ATP10B: variants seen among roughly 807,000 people sequenced by gnomAD.
ATP10B encodes the protein phospholipid-transporting ATPase VB.
In ATP10B, 122 loss-of-function variants were observed where a neutral mutation model predicts 141.2. That is an observed-to-expected ratio of 0.86 (90% CI 0.75 to 1.00). The LOEUF is 1.00. Among genes scored for constraint, ATP10B ranks in the 50% least tolerant of loss-of-function variants. The pLI is 0.00. For synonymous variants in ATP10B, 685 were observed against 692.0 expected, an observed-to-expected ratio of 0.99 and a Z score of 0.16; for missense variants, 1,876 against 1,825.3, an observed-to-expected ratio of 1.03 and a Z score of -0.51.
the ATP10B span, among the ~76,000 whole-genome samples, chr5:160,908,666 A>AAG: frequency 6.6e-6 from 1 of 152,200 alleles, no homozygotes; most frequent in Non-Finnish European, 1.5e-5. Context: ...GGTGATCTGA[A>AAG]AGGCATGGAG....
At chr5:160,862,043 T>A in the ATP10B span, among the ~76,000 whole-genome samples, 1 of 151,964 alleles carries the variant, frequency 6.6e-6, no homozygotes, top group Non-Finnish European at 1.5e-5. Flanking sequence ...TTGAAGTACA[T>A]GAAGAAATAT....
intron 1 of ATP10B, among the ~76,000 whole-genome samples, chr5:160,820,900 T>C (rs1375923264): frequency 6.6e-6 from 1 of 152,044 alleles, no homozygotes; most frequent in Admixed American, 6.6e-5. Context: ...CTCAACATAA[T>C]AAAAGCCATG....
chr5:160,781,820 G>A (rs976001560), intron 2 of ATP10B, among the ~76,000 whole-genome samples: 4 of 152,028 alleles, frequency 2.6e-5, no homozygotes, highest in Non-Finnish European at 5.9e-5. Flanking sequence ...TCAAATGCTG[G>A]CCATAAAAAT....
At chr5:160,575,283 C>T (rs141054669) in intron 24 of ATP10B, among the ~76,000 whole-genome samples, 1 of 152,132 alleles carries the variant, frequency 6.6e-6, no homozygotes, top group East Asian at 1.9e-4. Context: ...TTCCCTTCAG[C>T]ACAGAATCCA....
intron 1 of ATP10B, among the ~76,000 whole-genome samples, chr5:160,835,828 T>C (rs1305173768): frequency 6.6e-6 from 1 of 152,168 alleles, no homozygotes; most frequent in African/African-American, 2.4e-5. Flanking sequence ...TTCTGCCCTC[T>C]GATTGGTAGT....
At chr5:160,667,770 C>G (rs1176148064) in intron 7 of ATP10B, among the ~76,000 whole-genome samples, 4 of 152,120 alleles carry the variant, frequency 2.6e-5, no homozygotes, top group Non-Finnish European at 4.4e-5. Context: ...ATATGCAAAA[C>G]ATAGTTTGGG....
chr5:160,669,148 G>A (rs1051517130), intron 7 of ATP10B, among the ~76,000 whole-genome samples: 4 of 152,184 alleles, frequency 2.6e-5, no homozygotes, highest in African/African-American at 9.6e-5. Flanking sequence ...GACCATATTG[G>A]AAATCAACTC....
At chr5:160,912,802 G>A in the ATP10B span, among the ~76,000 whole-genome samples, 1 of 152,158 alleles carries the variant, frequency 6.6e-6, no homozygotes, top group Non-Finnish European at 1.5e-5. Context: ...GTTCAGCGGG[G>A]CTGTCTATCT....
chr5:160,574,645 G>T (rs1755078095), intron 24 of ATP10B, among the ~76,000 whole-genome samples: 2 of 152,186 alleles, frequency 1.3e-5, no homozygotes, highest in Admixed American at 1.3e-4. Flanking sequence ...CCTTTTGGAA[G>T]TGATTAAGTC....
At chr5:160,645,554 G>A (rs1760219754) in intron 8 of ATP10B, among the ~76,000 whole-genome samples, 3 of 152,206 alleles carry the variant, frequency 2.0e-5, no homozygotes, top group Admixed American at 6.5e-5. Flanking sequence ...AGTAGAGATA[G>A]TTTCTTCTTT....
chr5:160,885,763 A>G, the ATP10B span, among the ~76,000 whole-genome samples: 1 of 152,234 alleles, frequency 6.6e-6, no homozygotes, highest in Non-Finnish European at 1.5e-5. Flanking sequence ...GGGATAAATC[A>G]TAAGCTATTG....
chr5:160,869,604 G>C, the ATP10B span, among the ~76,000 whole-genome samples: 2 of 152,116 alleles, frequency 1.3e-5, no homozygotes, highest in Non-Finnish European at 2.9e-5. Flanking sequence ...GTGAAATGTT[G>C]AACAGACTGA....
intron 1 of ATP10B, among the ~76,000 whole-genome samples, chr5:160,800,555 T>A (rs1307951893): frequency 6.6e-6 from 1 of 151,826 alleles, no homozygotes; most frequent in Non-Finnish European, 1.5e-5. Context: ...AATCTGGAGT[T>A]CTAACTACAG....
intron 7 of ATP10B, among the ~76,000 whole-genome samples, chr5:160,658,939 A>G (rs568185174): frequency 1.3e-5 from 2 of 152,310 alleles, no homozygotes; most frequent in South Asian, 4.1e-4. Context: ...TGTAACCAAG[A>G]GTCTTAACTA....
At chr5:160,897,584 G>T in the ATP10B span, among the ~76,000 whole-genome samples, 7 of 152,166 alleles carry the variant, frequency 4.6e-5, no homozygotes, top group Non-Finnish European at 7.3e-5. Context: ...TGGATAGGAA[G>T]AATCAATATC....
the ATP10B span, among the ~76,000 whole-genome samples, chr5:160,868,513 T>C: frequency 8.4e-3 from 1,095 of 129,948 alleles, 16 homozygotes; most frequent in African/African-American, 0.026. Flanking sequence ...CTAAGGCATA[T>C]GAACAGATAC....
the ATP10B span, among the ~76,000 whole-genome samples, chr5:160,922,816 C>T: frequency 1.0e-3 from 156 of 152,272 alleles, 3 homozygotes; most frequent in East Asian, 0.028. Flanking sequence ...CTTGCACTCT[C>T]GGGCTTATAT....
chr5:160,732,443 T>C (rs1018352196), intron 2 of ATP10B, among the ~76,000 whole-genome samples: 14 of 152,226 alleles, frequency 9.2e-5, no homozygotes, highest in African/African-American at 3.1e-4. Flanking sequence ...GTCTTACATT[T>C]AAGTCTTTAA....
At chr5:160,596,444 T>A (rs1478438602) in intron 22 of ATP10B, among the ~76,000 whole-genome samples, 1 of 136,320 alleles carries the variant, frequency 7.3e-6, no homozygotes. Flanking sequence ...TCATACTGAA[T>A]GGGCAAAAAC....
Sources: allele counts gnomAD v4.1 joint callset (sites outside exome capture counted in the v4.1 genomes callset), GRCh38; gene constraint gnomAD v4.1.1; transcripts MANE v1.5; gene names NCBI Gene and HGNC (gene_info 2026-07-23, HGNC 2026-07-21).